The following FAM221B variants were observed in gnomAD, a reference collection of about 807,000 sequenced individuals.
FAM221B encodes the protein protein FAM221B.
In FAM221B, 35 loss-of-function variants were observed where a neutral mutation model predicts 39.8. The observed-to-expected ratio is 0.88, with a 90% CI of 0.67 to 1.17. The LOEUF (loss-of-function observed/expected upper bound fraction) is 1.17. Among genes scored for constraint, FAM221B ranks in the 50% most tolerant of loss-of-function variants. The pLI, the probability that FAM221B is intolerant of heterozygous loss-of-function variation, is 0.00. For synonymous variants in FAM221B, 158 were observed against 178.1 expected (o/e 0.89, Z 0.90); for missense variants, 479 against 503.1 (o/e 0.95, Z 0.46).
intron 3 of FAM221B, among the ~76,000 whole-genome samples, chr9:35,824,775 G>A (rs1365913257): frequency 3.4e-5 from 5 of 149,022 alleles, no homozygotes; most frequent in South Asian, 4.4e-4. Context: ...TCCACCTCCC[G>A]GGTTCACGCC....
intron 3 of FAM221B, among the ~76,000 whole-genome samples, chr9:35,822,481 C>G (rs1829172857): frequency 6.6e-6 from 1 of 152,146 alleles, no homozygotes; most frequent in Admixed American, 6.5e-5. Context: ...AACCTCGGCT[C>G]ACTGCAACCT....
chr9:35,820,393 G>T (rs897967055), intron 3 of FAM221B, among the ~76,000 whole-genome samples: 6 of 152,174 alleles, frequency 3.9e-5, no homozygotes, highest in African/African-American at 1.2e-4. Flanking sequence ...GCCCAACTTT[G>T]CTTTGTTTTC....
rs1829061845 is a variant in FAM221B at position 35,818,502 on chromosome 9, T to C, written c.1176A>G (p.Thr392=). 5 of 1,551,624 alleles carry C rather than the reference T, an allele frequency of 3.2e-6. No homozygotes were observed. The highest frequency in any genetic ancestry group is 2.6e-6 in the Non-Finnish European group (3 of 1,147,018). The change falls in exon 7 of 7, where the codon ACA becomes ACG. Residue 392 remains threonine, a synonymous_variant. Transcript: ENST00000423537. ...TRQRGGRPRG[T]DTVSNWHRPL ...GCCTGTGCCAGTTGCTGACAGTGTC[T>C]GTCCCTGGAGGAAGAAAGAGCAGAG...
chr9:35,819,757 C>T (rs539149477), intron 4 of FAM221B, 133 bp downstream of exon 4: 40 of 678,330 alleles, frequency 5.9e-5, no homozygotes, highest in Middle Eastern at 2.7e-4. Flanking sequence ...CACCCGCCTC[C>T]GCCTCCCAAA....
Position 35,828,444 on chromosome 9 carries a change from C to T in FAM221B, c.-1+19G>A, listed in dbSNP as rs576113424. The T allele has an allele frequency of 2.0e-6, 2 of 979,430 alleles. No individual in the cohort carries two copies. The highest frequency in any genetic ancestry group is 1.1e-4 in the East Asian group (1 of 8,764). 60.7% of individuals were successfully genotyped at this position (979,430 alleles called of 1,614,324 possible). On this transcript the variant is annotated intron_variant, in intron 1 of 6. Coordinates refer to ENST00000423537, the MANE Select transcript of FAM221B (RefSeq NM_001012446.4). This position sits in a 1 kb window ranked among gnomAD's most constrained non-coding sequence, Gnocchi z 4.5. ...GTCTTTGAGGGAAGAGGGCAAGGGC[C>T]GTTGGAGAAACCACCTACCCTCTGG...
Position 35,818,050 on chromosome 9 carries a change from T to G in FAM221B, c.*419A>C, listed in dbSNP as rs891267029. ...ATTGTCTGACTTTACTTTTGTACTT[T>G]TCATCCAAGCTTCTTTAAGAGACTC... On this transcript the variant is annotated 3_prime_UTR_variant, in exon 7 of 7. Transcript: ENST00000423537. 2.8e-5 allele frequency: 5 copies of G among 178,032 alleles called. No homozygotes were observed. The highest frequency in any genetic ancestry group is 1.2e-4 in the African/African-American group (5 of 42,080). The allele number at this position is 178,032 out of a possible 1,614,324, so 11.0% of individuals were successfully genotyped here.
At chr9:35,821,700 G>A in intron 3 of FAM221B, 3 of 1,106,266 alleles carry the variant, frequency 2.7e-6, no homozygotes, top group Non-Finnish European at 3.8e-6. Context: ...GAGGGCCGGG[G>A]GGCAGTCAAG....
rs887882151 is a variant in FAM221B, at chr9:35,828,703, G to T, written c.-241C>A. The stretch of plus-strand genomic sequence containing the variant: ...CTGGGGAAGTGGGTAGGGACAAGGG[G>T]TCTAGGGCCAATGAGGGAGGGTCTT... On this transcript the variant is annotated 5_prime_UTR_variant, in exon 1 of 7. Coordinates refer to ENST00000423537, the MANE Select transcript of FAM221B (RefSeq NM_001012446.4). The surrounding 1 kb of genome is among the most constrained non-coding windows in gnomAD (Gnocchi z 4.5). The T allele has an allele frequency of 1.0e-6, 1 of 985,402 alleles. No homozygotes were observed. Among genetic ancestry groups the T allele is most frequent in the African/African-American group, 1.7e-5 (1 of 57,210 alleles). The allele number at this position is 985,402 out of a possible 1,614,324, so 61.0% of individuals were successfully genotyped here.
At position 35,828,078 on chromosome 9, in the gene FAM221B, G is replaced by A. The variant is rs1351029048; in HGVS notation, c.-1+385C>T. ...AGGCCAAGGCGGGTGGATCACTTGA[G>A]GTCAGGAGTTCGAGACCAGCCTGGC... is the stretch of plus-strand genomic sequence containing the variant. On this transcript the variant is annotated intron_variant, in intron 1 of 6. Coordinates refer to ENST00000423537, the MANE Select transcript of FAM221B (RefSeq NM_001012446.4). The surrounding 1 kb of genome is among the most constrained non-coding windows in gnomAD (Gnocchi z 4.5). 1.4e-4 allele frequency among the ~76,000 whole-genome samples: 22 copies of A among 152,134 alleles called. No homozygotes were observed. Among genetic ancestry groups the A allele is most frequent in the Admixed American group, 1.4e-3 (22 of 15,278 alleles).
chr9:35,825,419 T>C lies in FAM221B; in HGVS notation c.599-46A>G. ...TAACCAGGGGGAAGTGAGAAGGCCCTAAAACTAAGAGAAGGGGCCATGTCC... is the reference window on the plus strand; with the variant it reads ...TAACCAGGGGGAAGTGAGAAGGCCCCAAAACTAAGAGAAGGGGCCATGTCC... On this transcript the variant is annotated intron_variant, in intron 2 of 6. Coordinates refer to ENST00000423537, the MANE Select transcript of FAM221B (RefSeq NM_001012446.4). The surrounding 1 kb of genome is among the most constrained non-coding windows in gnomAD (Gnocchi z 4.2). The C allele has an allele frequency of 6.2e-7, 1 of 1,611,314 alleles. No homozygotes were observed. The highest frequency in any genetic ancestry group is 8.5e-7 in the Non-Finnish European group (1 of 1,179,062).
At chr9:35,821,820 C>T (rs1208800356) in intron 3 of FAM221B, among the ~76,000 whole-genome samples, 1 of 152,162 alleles carries the variant, frequency 6.6e-6, no homozygotes, top group African/African-American at 2.4e-5. Flanking sequence ...TGTTAGTGCT[C>T]TTAAAGTGGG....
rs1564010508 is a variant in FAM221B at position 35,828,323 on chromosome 9, AACAACAACAACT to A, written c.-1+128_-1+139del. 8 of 136,726 alleles carry A rather than the reference AACAACAACAACT, an allele frequency of 5.9e-5. No individual in the cohort carries two copies. Among genetic ancestry groups the A allele is most frequent in the South Asian group, 2.4e-4 (1 of 4,156 alleles). 8.5% of individuals were successfully genotyped at this position (136,726 alleles called of 1,614,324 possible). A position where few individuals can be genotyped will look rare whatever the true frequency, so the allele number is the denominator to read the frequency against. ...CAACAACAACAACAACAACAACAAC[AACAACAACAACT>A]ACTACTACTACTACTACTACTACTA... is the stretch of plus-strand genomic sequence containing the variant. On this transcript the variant is annotated intron_variant, in intron 1 of 6. Coordinates refer to ENST00000423537, the MANE Select transcript of FAM221B (RefSeq NM_001012446.4). This position sits in a 1 kb window ranked among gnomAD's most constrained non-coding sequence, Gnocchi z 4.5.
At chr9:35,820,024 A>G (rs756700790) in intron 3 of FAM221B, 24 bp from the exon 4 acceptor site, 2 of 1,570,990 alleles carry the variant, frequency 1.3e-6, no homozygotes, top group South Asian at 2.2e-5. Flanking sequence ...ATTAAAAGTG[A>G]GAAGTAAAAA....
chr9:35,825,981 A>G lies in FAM221B; in HGVS notation c.181T>C (p.Ser61Pro). Reference sequence around the variant, plus strand: ...GCCTCTAAGGGGATCTGGGAAGGGGATGGCACCAAAGGGGATTCAGAGGTA... The same window carrying G: ...GCCTCTAAGGGGATCTGGGAAGGGGGTGGCACCAAAGGGGATTCAGAGGTA... Reference protein sequence around the residue: ...PHTSESPLVPSPSQIPLEAHS... With the variant: ...PHTSESPLVPPPSQIPLEAHS... Residue 61 changes from serine (S) to proline (P), a missense_variant, in exon 2 of 7, where the codon TCC (serine) becomes CCC (proline). Coordinates refer to ENST00000423537, the MANE Select transcript of FAM221B (RefSeq NM_001012446.4). The surrounding 1 kb of genome is among the most constrained non-coding windows in gnomAD (Gnocchi z 4.2). 1 of 1,613,924 alleles carries G rather than the reference A, an allele frequency of 6.2e-7. No homozygotes were observed. The highest frequency in any genetic ancestry group is 8.5e-7 in the Non-Finnish European group (1 of 1,179,960).
chr9:35,826,348 C>G (rs895750873), intron 1 of FAM221B, among the ~76,000 whole-genome samples, 187 bp from the exon 2 acceptor site: 5 of 152,152 alleles, frequency 3.3e-5, no homozygotes, highest in African/African-American at 1.2e-4. Flanking sequence ...ACCCATGTGT[C>G]CAGACCTCAT....
At chr9:35,822,041 AAC>A (rs1829162669) in intron 3 of FAM221B, among the ~76,000 whole-genome samples, 1 of 152,226 alleles carries the variant, frequency 6.6e-6, no homozygotes, top group Non-Finnish European at 1.5e-5. Context: ...GTCTCCATAA[AAC>A]ACATGGCTGT....
At chr9:35,819,541 G>A (rs1344735783) in intron 4 of FAM221B, 147 bp from the exon 5 acceptor site, 1 of 727,296 alleles carries the variant, frequency 1.4e-6, no homozygotes, top group African/African-American at 1.8e-5. Flanking sequence ...CGCCCAGGCT[G>A]GAGTGCAGTG....
At position 35,817,621 on chromosome 9, in the gene FAM221B, GTTCCCTACATTAGCC is replaced by G. The variant is rs1829048548; in HGVS notation, c.*833_*847del. On this transcript the variant is annotated 3_prime_UTR_variant, in exon 7 of 7. Transcript: ENST00000423537. ...TACCCACTGATGAGGTTTTTCTCCA[GTTCCCTACATTAGCC>G]TTCCCAAACCTTCCCCTTTCTCTTC... is the stretch of plus-strand genomic sequence containing the variant. 1 of 152,258 alleles carries G rather than the reference GTTCCCTACATTAGCC, an allele frequency of 6.6e-6. No individual in the cohort carries two copies. Among genetic ancestry groups the G allele is most frequent in the Non-Finnish European group, 1.5e-5 (1 of 68,098 alleles). The allele number at this position is 152,258 out of a possible 1,614,324, so 9.4% of individuals were successfully genotyped here. A position where few individuals can be genotyped will look rare whatever the true frequency, so the allele number is the denominator to read the frequency against.
rs375980989 is a variant in FAM221B, at chr9:35,818,511, A to T, written c.1172-5T>A. The T allele has an allele frequency of 5.9e-4, 910 of 1,551,610 alleles. No homozygotes were observed. Among genetic ancestry groups the T allele is most frequent in the Non-Finnish European group, 6.5e-4 (747 of 1,146,964 alleles). ...AGTTGCTGACAGTGTCTGTCCCTGG[A>T]GGAAGAAAGAGCAGAGGTGAAAGGG... On this transcript the variant is annotated splice_polypyrimidine_tract_variant and splice_region_variant and intron_variant, in intron 6 of 6. Coordinates refer to ENST00000423537, the MANE Select transcript of FAM221B (RefSeq NM_001012446.4).
Sources: gnomAD v4.1 joint callset for allele counts (sites outside exome capture counted in the v4.1 genomes callset) on GRCh38, gnomAD v4.1.1 for gene constraint, Gnocchi (gnomAD v3.1) non-coding constraint, MANE v1.5 for transcripts, NCBI Gene and HGNC (gene_info 2026-07-23, HGNC 2026-07-21) for gene names.